The following LRP1B variants were observed in gnomAD, a reference collection of about 807,000 sequenced individuals.
LRP1B encodes the protein LDL receptor related protein 1B.
A neutral mutation model predicts 556.6 loss-of-function variants in LRP1B; 217 were observed. That is an observed-to-expected ratio of 0.39 (90% confidence interval 0.35 to 0.44). The LOEUF (loss-of-function observed/expected upper bound fraction) is 0.44, where lower values mean the gene tolerates loss of function less well. LRP1B is among the 20% of genes least tolerant of loss of function. The pLI, the probability that LRP1B is intolerant of heterozygous loss-of-function variation, is 1.00. For missense variants in LRP1B, 5,053 were observed against 5,620.8 expected (o/e 0.90, Z 3.23); for synonymous variants, 2,047 against 1,865.8 (o/e 1.10, Z -2.50).
chr2:141,679,980 G>A (rs968850455), intron 2 of LRP1B, among the ~76,000 whole-genome samples: 1 of 151,784 alleles, frequency 6.6e-6, no homozygotes, highest in African/African-American at 2.4e-5. Flanking sequence ...ACTCTGGAAT[G>A]AAAGAATGAA....
chr2:141,668,491 G>A (rs755354266), intron 2 of LRP1B, among the ~76,000 whole-genome samples: 4 of 152,174 alleles, frequency 2.6e-5, no homozygotes, highest in South Asian at 2.1e-4. Flanking sequence ...GAAAGTCAGC[G>A]TGGCAGAGAG....
At chr2:140,761,831 A>G (rs1293741873) in intron 35 of LRP1B, among the ~76,000 whole-genome samples, 1 of 151,456 alleles carries the variant, frequency 6.6e-6, no homozygotes, top group Non-Finnish European at 1.5e-5. Context: ...AGAAGCTATG[A>G]CATTATAAGC....
chr2:140,487,593 C>A (rs1042115697), intron 58 of LRP1B, 24 bp downstream of exon 58: 22 of 1,581,392 alleles, frequency 1.4e-5, no homozygotes, highest in Non-Finnish European at 1.8e-5. Flanking sequence ...ATTCAACAAT[C>A]CCATCATTGT....
intron 86 of LRP1B, among the ~76,000 whole-genome samples, chr2:140,262,074 A>G (rs1034357028): frequency 2.6e-5 from 4 of 152,134 alleles, no homozygotes; most frequent in Admixed American, 2.6e-4. Context: ...CTATTAAAAA[A>G]AAAGATCAGA....
chr2:141,049,321 A>T, intron 10 of LRP1B, 99 bp from the exon 11 acceptor site: 1 of 769,696 alleles, frequency 1.3e-6, no homozygotes, highest in South Asian at 1.7e-5. Context: ...GCGTTTTTTA[A>T]ATTCAATGCT....
chr2:141,532,246 G>C (rs1009880000), intron 2 of LRP1B, among the ~76,000 whole-genome samples: 2 of 151,724 alleles, frequency 1.3e-5, no homozygotes, highest in Non-Finnish European at 2.9e-5. Flanking sequence ...AGTTCAAGAC[G>C]TAGGTATGAG....
At position 140,794,801 on chromosome 2, in the gene LRP1B, C is replaced by T. The variant is rs560044939; in HGVS notation, c.5360-18563G>A. On this transcript the variant is annotated intron_variant, in intron 32 of 90. Transcript: ENST00000389484. The stretch of plus-strand genomic sequence containing the variant: ...GCTAATTTTGTATTTTTAGTAGAGA[C>T]GGGGTTTCTCCATGTTGGTCAGGCT... Among the ~76,000 whole-genome samples, 217 of 151,758 alleles carry T rather than the reference C, an allele frequency of 1.4e-3. 1 individual carries two copies. Among genetic ancestry groups the T allele is most frequent in the Admixed American group, 3.4e-3 (51 of 15,210 alleles).
At chr2:141,414,336 A>G (rs1263687604) in intron 3 of LRP1B, among the ~76,000 whole-genome samples, 2 of 140,966 alleles carry the variant, frequency 1.4e-5, no homozygotes, top group African/African-American at 5.2e-5. Flanking sequence ...AGAGAGAAAG[A>G]GAGAGAGAGA....
At chr2:140,885,295 C>G (rs1330207778) in intron 24 of LRP1B, among the ~76,000 whole-genome samples, 2 of 151,476 alleles carry the variant, frequency 1.3e-5, no homozygotes, top group Admixed American at 1.3e-4. Context: ...GATACCTTGT[C>G]CTTGGAATGG....
chr2:140,504,314 T>G (rs1689316810), intron 53 of LRP1B, among the ~76,000 whole-genome samples: 2 of 152,032 alleles, frequency 1.3e-5, no homozygotes, highest in Admixed American at 1.3e-4. Context: ...TTAGAAAGAG[T>G]TTCCTGACTT....
chr2:140,855,184 G>A (rs533545541), intron 27 of LRP1B, among the ~76,000 whole-genome samples: 88 of 151,956 alleles, frequency 5.8e-4, no homozygotes, highest in Non-Finnish European at 9.0e-4. Flanking sequence ...GGTGCTTAAG[G>A]TTCTATACAC....
chr2:142,118,997 A>G lies in LRP1B; in HGVS notation c.82+11651T>C, dbSNP rs576347673. On this transcript the variant is annotated intron_variant, in intron 1 of 90. Coordinates refer to ENST00000389484, the MANE Select transcript of LRP1B (RefSeq NM_018557.3). ...ACAACATGAATGAAAAGTAAACTTA[A>G]AGTGACAAATTATATTTCTACACAT... Among the ~76,000 whole-genome samples, 34 of 152,308 alleles carry G rather than the reference A, an allele frequency of 2.2e-4. 1 individual carries two copies. The South Asian group carries it at 4.3e-3, about 19-fold the overall frequency.
chr2:141,325,923 T>C (rs151057976), intron 3 of LRP1B, among the ~76,000 whole-genome samples: 3,199 of 152,218 alleles, frequency 0.021, 57 homozygotes, highest in Non-Finnish European at 0.034. Context: ...GTTTATAATA[T>C]TTTATCTAAA....
In LRP1B at chr2:140,485,331, G is replaced by GT. The variant is rs1558914970; in HGVS notation, c.9425+11dup. On this transcript the variant is annotated intron_variant, in intron 59 of 90. Coordinates refer to ENST00000389484, the MANE Select transcript of LRP1B (RefSeq NM_018557.3). ...GTCTTAAACTTTAAGATTTTTAACA[G>GT]TTTTTACAAACCCAGCTTGAGGATC... is the stretch of plus-strand genomic sequence containing the variant. 1 of 1,602,814 alleles carries GT rather than the reference G, an allele frequency of 6.2e-7. No homozygotes were observed. The highest frequency in any genetic ancestry group is 8.5e-7 in the Non-Finnish European group (1 of 1,175,094).
At chr2:141,309,485 G>A (rs1686729042) in intron 3 of LRP1B, among the ~76,000 whole-genome samples, 1 of 152,200 alleles carries the variant, frequency 6.6e-6, no homozygotes, top group Non-Finnish European at 1.5e-5. Flanking sequence ...CCCTAGGGAA[G>A]ATATTAAGCC....
At chr2:141,950,658 T>G (rs1208292976) in intron 1 of LRP1B, among the ~76,000 whole-genome samples, 1 of 152,172 alleles carries the variant, frequency 6.6e-6, no homozygotes, top group Non-Finnish European at 1.5e-5. Flanking sequence ...TATGCTTTTT[T>G]TTCTTAGAAA....
At chr2:140,325,694 A>T in intron 80 of LRP1B, 68 bp downstream of exon 80, 1 of 1,039,068 alleles carries the variant, frequency 9.6e-7, no homozygotes, top group Non-Finnish European at 1.4e-6. Context: ...ATCCATACTT[A>T]CATTTTTGTA....
intron 7 of LRP1B, among the ~76,000 whole-genome samples, chr2:141,122,419 A>C (rs986846298): frequency 1.4e-5 from 2 of 139,784 alleles, no homozygotes; most frequent in South Asian, 2.3e-4. Flanking sequence ...AAAAAAAAAA[A>C]ACATCAAAAA....
intron 2 of LRP1B, among the ~76,000 whole-genome samples, chr2:141,785,580 T>C (rs1695403962): frequency 1.3e-5 from 2 of 151,346 alleles, no homozygotes; most frequent in African/African-American, 4.9e-5. Context: ...TATCACTCCA[T>C]CCTAATGATG....
Sources: gnomAD v4.1 joint callset for allele counts (sites outside exome capture counted in the v4.1 genomes callset) on GRCh38, gnomAD v4.1.1 for gene constraint, MANE v1.5 for transcripts, NCBI Gene and HGNC (gene_info 2026-07-23, HGNC 2026-07-21) for gene names.